Variants in MGST1 observed in about 807,000 individuals in gnomAD.
The protein encoded by MGST1 is microsomal glutathione S-transferase 1, also known as glutathione S-transferase 12.
In MGST1, 5 loss-of-function variants were observed where a neutral mutation model predicts 8.9. The ratio of observed to expected loss-of-function variants is 0.56; its 90% CI spans 0.29 to 1.19. The LOEUF (loss-of-function observed/expected upper bound fraction) is 1.19. MGST1 is among the 50% of genes most tolerant of loss of function. The pLI, the probability that MGST1 is intolerant of heterozygous loss-of-function variation, is 0.08. For missense variants in MGST1, 182 were observed against 187.4 expected, an observed-to-expected ratio of 0.97 and a Z score of 0.17; for synonymous variants, 54 against 67.8, an observed-to-expected ratio of 0.80 and a Z score of 1.00.
At chr12:16,465,343 A>G (rs1017503171) in intron 4 of MGST1, among the ~76,000 whole-genome samples, 4 of 152,260 alleles carry the variant, frequency 2.6e-5, no homozygotes, top group African/African-American at 7.2e-5. Context: ...TCTAGCCACA[A>G]CCTATATTTG....
In MGST1 at chr12:16,482,310, G is replaced by C. The variant is rs1329100137; in HGVS notation, n.482+98706G>C. 6.6e-6 allele frequency among the ~76,000 whole-genome samples: 1 copy of C among 152,080 alleles called. No homozygotes were observed. Among genetic ancestry groups the C allele is most frequent in the Non-Finnish European group, 1.5e-5 (1 of 67,998 alleles). On this transcript the variant is annotated intron_variant and non_coding_transcript_variant, in intron 4 of 4. Transcript: ENST00000538857. This position sits in a 1 kb window ranked among gnomAD's most constrained non-coding sequence, Gnocchi z 4.2. ...AAAATAGATTTTTCTGTGAGAAAAA[G>C]AAAAGGAATGTTTGATCTGAAGTAT...
chr12:16,499,904 A>G (rs899653965), intron 4 of MGST1, among the ~76,000 whole-genome samples: 5 of 152,134 alleles, frequency 3.3e-5, no homozygotes, highest in African/African-American at 1.2e-4. Context: ...TTAGTAGTGC[A>G]TGTTTTTAAA....
chr12:16,529,305 T>C (rs994287767), intron 4 of MGST1, among the ~76,000 whole-genome samples: 1 of 152,044 alleles, frequency 6.6e-6, no homozygotes, highest in Non-Finnish European at 1.5e-5. Context: ...CCTGGTATAT[T>C]CATTATCCAC....
intron 1 of MGST1, among the ~76,000 whole-genome samples, chr12:16,411,540 C>A (rs188387724): frequency 7.2e-5 from 11 of 151,890 alleles, no homozygotes; most frequent in African/African-American, 2.7e-4. Flanking sequence ...TAATAATATA[C>A]GATGATTTTG....
chr12:16,382,071 C>A (rs1372112865), downstream of MGST1, among the ~76,000 whole-genome samples: 2 of 152,112 alleles, frequency 1.3e-5, no homozygotes, highest in Middle Eastern at 3.4e-3. Flanking sequence ...AACTTCTTTG[C>A]CATTGGTTCG....
intron 4 of MGST1, among the ~76,000 whole-genome samples, chr12:16,565,720 A>G (rs2137380142): frequency 6.6e-6 from 1 of 151,976 alleles, no homozygotes; most frequent in Non-Finnish European, 1.5e-5. Flanking sequence ...GGCTGAAAAA[A>G]GGAACACTGA....
intron 4 of MGST1, among the ~76,000 whole-genome samples, chr12:16,522,795 C>A (rs1941656571): frequency 6.6e-6 from 1 of 152,036 alleles, no homozygotes; most frequent in Non-Finnish European, 1.5e-5. Context: ...TGTAAGTGTG[C>A]TGATGGCTAG....
chr12:16,368,792 C>A (rs865779923), downstream of MGST1, among the ~76,000 whole-genome samples: 1 of 151,882 alleles, frequency 6.6e-6, no homozygotes, highest in East Asian at 1.9e-4. Context: ...AAATGTGAGC[C>A]GTAAAATGGA....
chr12:16,475,217 T>C (rs983729360), intron 4 of MGST1, among the ~76,000 whole-genome samples: 3 of 152,252 alleles, frequency 2.0e-5, no homozygotes, highest in Non-Finnish European at 2.9e-5. Flanking sequence ...TTAATGAATG[T>C]TAAATAATGT....
downstream of MGST1, among the ~76,000 whole-genome samples, chr12:16,380,767 T>C (rs1940445455): frequency 1.3e-5 from 2 of 152,154 alleles, no homozygotes; most frequent in Admixed American, 1.3e-4. Context: ...ATTATTATTG[T>C]GTGGGAGTCT....
downstream of MGST1, among the ~76,000 whole-genome samples, chr12:16,368,979 C>T (rs778878800): frequency 6.6e-6 from 1 of 151,912 alleles, no homozygotes; most frequent in Non-Finnish European, 1.5e-5. Context: ...TTTTTAATGA[C>T]CCAAAACTAA....
At chr12:16,402,725 G>A (rs1940667954) in intron 1 of MGST1, among the ~76,000 whole-genome samples, 1 of 151,300 alleles carries the variant, frequency 6.6e-6, no homozygotes, top group South Asian at 2.1e-4. Flanking sequence ...GCTTTTTCTT[G>A]ACTAGTCTAA....
chr12:16,528,700 A>C (rs1941704118), intron 4 of MGST1, among the ~76,000 whole-genome samples: 1 of 152,038 alleles, frequency 6.6e-6, no homozygotes, highest in African/African-American at 2.4e-5. Context: ...TCTAGACGAC[A>C]ATAATAGTGA....
intron 4 of MGST1, among the ~76,000 whole-genome samples, chr12:16,580,691 T>C (rs1943134153): frequency 6.6e-6 from 1 of 152,212 alleles, no homozygotes; most frequent in African/African-American, 2.4e-5. Flanking sequence ...TACATGTGCA[T>C]AAATACAGGT....
chr12:16,456,058 T>A (rs1565458278), intron 4 of MGST1, among the ~76,000 whole-genome samples: 1 of 151,928 alleles, frequency 6.6e-6, no homozygotes, highest in Non-Finnish European at 1.5e-5. Flanking sequence ...ACTTTCTATG[T>A]CAAATATAGG....
intron 1 of MGST1, among the ~76,000 whole-genome samples, chr12:16,412,763 G>A (rs1940753301): frequency 6.6e-6 from 1 of 152,160 alleles, no homozygotes; most frequent in African/African-American, 2.4e-5. Context: ...CCATGATTGT[G>A]AGGCCTCCCC....
intron 1 of MGST1, among the ~76,000 whole-genome samples, chr12:16,399,034 A>G (rs1940629360): frequency 6.6e-6 from 1 of 152,064 alleles, no homozygotes; most frequent in Admixed American, 6.5e-5. Flanking sequence ...TAACAGCAAG[A>G]GCCTCCTCCT....
intron 2 of MGST1, among the ~76,000 whole-genome samples, chr12:16,354,882 C>T (rs1939640503): frequency 6.6e-6 from 1 of 151,554 alleles, no homozygotes. Context: ...TTGTGTACTT[C>T]TGACTTTTTA....
chr12:16,548,215 C>T lies in MGST1; in HGVS notation n.483-41313C>T, dbSNP rs113309676. 7.7e-3 allele frequency among the ~76,000 whole-genome samples: 1,179 copies of T among 152,246 alleles called. 22 individuals carry two copies. Among genetic ancestry groups the T allele is most frequent in the African/African-American group, 0.027 (1,130 of 41,548 alleles). On this transcript the variant is annotated intron_variant and non_coding_transcript_variant, in intron 4 of 4. Transcript: ENST00000538857. This position sits in a 1 kb window ranked among gnomAD's most constrained non-coding sequence, Gnocchi z 4.2. Reference sequence around the variant, plus strand: ...AACGACCTAGCGCAGAGATCCTAAACATTACATTCAGAGAAACATTTGGGG... The same window carrying T: ...AACGACCTAGCGCAGAGATCCTAAATATTACATTCAGAGAAACATTTGGGG...
Sources: allele counts gnomAD v4.1 joint callset (sites outside exome capture counted in the v4.1 genomes callset), GRCh38; gene constraint gnomAD v4.1.1; non-coding constraint Gnocchi (gnomAD v3.1); transcripts MANE v1.5; gene names NCBI Gene and HGNC (gene_info 2026-07-23, HGNC 2026-07-21).